Variants in SGCZ observed in about 807,000 individuals in gnomAD.
SGCZ encodes zeta-sarcoglycan.
SGCZ carries 40 observed loss-of-function variants against 41.3 expected under a neutral mutation model. The observed-to-expected ratio is 0.97, with a 90% CI of 0.75 to 1.26. The LOEUF (loss-of-function observed/expected upper bound fraction) is 1.26, where lower values mean the gene tolerates loss of function less well. SGCZ is among the 50% of genes most tolerant of loss of function. SGCZ has a pLI of 0.00. For synonymous variants in SGCZ, 206 were observed against 137.5 expected, an observed-to-expected ratio of 1.50 and a Z score of -3.49; for missense variants, 552 against 369.8, an observed-to-expected ratio of 1.49 and a Z score of -4.04.
At chr8:14,507,487 G>C (rs990137836) in intron 2 of SGCZ, among the ~76,000 whole-genome samples, 12 of 152,106 alleles carry the variant, frequency 7.9e-5, no homozygotes, top group African/African-American at 2.9e-4. Context: ...TCTCATTTAA[G>C]CCAAAATGAA....
At position 14,367,191 on chromosome 8, in the gene SGCZ, A is replaced by G. The variant is rs541164736; in HGVS notation, c.235-42987T>C. On this transcript the variant is annotated intron_variant, in intron 2 of 7. Transcript: ENST00000382080. Reference sequence around the variant, plus strand: ...ATGCTGCTAGTCTCTTTGCTAAAGTATAGCAAAAGTCACCTTTGCTCCAGT... The same window carrying G: ...ATGCTGCTAGTCTCTTTGCTAAAGTGTAGCAAAAGTCACCTTTGCTCCAGT... 1.1e-3 allele frequency among the ~76,000 whole-genome samples: 164 copies of G among 152,090 alleles called. 1 individual carries two copies. The highest frequency in any genetic ancestry group is 1.9e-3 in the Non-Finnish European group (127 of 67,998).
Position 14,582,772 on chromosome 8 carries a change from C to A in SGCZ, c.40-27846G>T, listed in dbSNP as rs1207941312. 2.7e-5 allele frequency among the ~76,000 whole-genome samples: 4 copies of A among 148,712 alleles called. No individual in the cohort carries two copies. The South Asian group carries it at 8.6e-4, about 32-fold the overall frequency. On this transcript the variant is annotated intron_variant, in intron 1 of 7. Transcript: ENST00000382080. ...GAACATGTGGTGTTTGGTTTTTTGT[C>A]CTTGCGATAGTTTACTGAGAATGAT...
chr8:14,500,297 G>A (rs1311725521), intron 2 of SGCZ, among the ~76,000 whole-genome samples: 1 of 152,044 alleles, frequency 6.6e-6, no homozygotes, highest in Non-Finnish European at 1.5e-5. Context: ...TACAATCTCA[G>A]TTCTCTCATC....
chr8:14,102,354 G>T, intron 7 of SGCZ, 22 bp downstream of exon 7: 1 of 1,450,492 alleles, frequency 6.9e-7, no homozygotes, highest in Non-Finnish European at 9.2e-7. Flanking sequence ...ATAGGGCGAG[G>T]GTCCAACTTT....
chr8:14,934,491 A>T (rs1233985092), intron 1 of SGCZ, among the ~76,000 whole-genome samples: 2 of 151,858 alleles, frequency 1.3e-5, no homozygotes, highest in Non-Finnish European at 2.9e-5. Flanking sequence ...AAAGGAGATT[A>T]GCCACAGATG....
chr8:14,314,108 G>A (rs561271201), intron 3 of SGCZ, among the ~76,000 whole-genome samples: 1 of 152,184 alleles, frequency 6.6e-6, no homozygotes, highest in East Asian at 1.9e-4. Flanking sequence ...GGTGTAATCT[G>A]TAGAAAAAAA....
intron 1 of SGCZ, among the ~76,000 whole-genome samples, chr8:15,018,369 A>T (rs1391917074): frequency 6.6e-6 from 1 of 152,236 alleles, no homozygotes. Context: ...AAAACAAATA[A>T]GCAAGAAAAT....
At chr8:14,538,740 G>C (rs1224620218) in intron 2 of SGCZ, among the ~76,000 whole-genome samples, 1 of 151,918 alleles carries the variant, frequency 6.6e-6, no homozygotes, top group African/African-American at 2.4e-5. Flanking sequence ...AGAAGAGTTA[G>C]GCATGAATTA....
chr8:14,549,667 C>A (rs1477814494), intron 2 of SGCZ, among the ~76,000 whole-genome samples: 1 of 151,992 alleles, frequency 6.6e-6, no homozygotes, highest in African/African-American at 2.4e-5. Context: ...AGAAGAGGTA[C>A]ATATTTGGAT....
At chr8:14,803,429 T>C (rs189596929) in intron 1 of SGCZ, among the ~76,000 whole-genome samples, 70 of 151,366 alleles carry the variant, frequency 4.6e-4, no homozygotes, top group African/African-American at 1.5e-3. Flanking sequence ...TCGCAAGGGG[T>C]CAGGGAGTTC....
At chr8:15,118,197 T>C (rs992046832) in intron 1 of SGCZ, among the ~76,000 whole-genome samples, 3 of 152,348 alleles carry the variant, frequency 2.0e-5, no homozygotes, top group Admixed American at 1.3e-4. Context: ...CAGAAAAGCA[T>C]TTTAAGATTT....
chr8:15,052,575 A>T (rs1804553034), intron 1 of SGCZ, among the ~76,000 whole-genome samples: 1 of 152,068 alleles, frequency 6.6e-6, no homozygotes. Flanking sequence ...TAGTCTCAGT[A>T]GTGTATTTTC....
chr8:14,480,679 G>C (rs996602999), intron 2 of SGCZ, among the ~76,000 whole-genome samples: 6 of 151,960 alleles, frequency 3.9e-5, no homozygotes, highest in East Asian at 3.9e-4. Context: ...ATAATACATA[G>C]ATATAAACTT....
At chr8:15,203,647 T>TA (rs1184268683) in intron 1 of SGCZ, among the ~76,000 whole-genome samples, 1 of 152,170 alleles carries the variant, frequency 6.6e-6, no homozygotes, top group Non-Finnish European at 1.5e-5. Flanking sequence ...TAGCAAGTGA[T>TA]AAAAAATTGA....
chr8:14,451,309 T>C (rs1405707304), intron 2 of SGCZ, among the ~76,000 whole-genome samples: 4 of 152,204 alleles, frequency 2.6e-5, no homozygotes, highest in Non-Finnish European at 4.4e-5. Flanking sequence ...GAAGGTTCAG[T>C]GATCTTAGAA....
intron 1 of SGCZ, among the ~76,000 whole-genome samples, chr8:14,946,673 G>GCA (rs1800458363): frequency 1.9e-5 from 2 of 105,156 alleles, no homozygotes; most frequent in African/African-American, 5.9e-5. Context: ...TTAGAAATCT[G>GCA]TATTTTTTTT....
chr8:14,951,203 A>T (rs910579388), intron 1 of SGCZ, among the ~76,000 whole-genome samples: 1 of 152,028 alleles, frequency 6.6e-6, no homozygotes, highest in African/African-American at 2.4e-5. Flanking sequence ...CCTCAATCAT[A>T]TTTGTTATGC....
At chr8:15,026,589 A>G (rs1319338185) in intron 1 of SGCZ, among the ~76,000 whole-genome samples, 2 of 152,144 alleles carry the variant, frequency 1.3e-5, no homozygotes, top group Non-Finnish European at 2.9e-5. Flanking sequence ...ACCACTAGAG[A>G]TTGGTACACA....
intron 1 of SGCZ, among the ~76,000 whole-genome samples, chr8:15,229,477 T>C (rs1010867206): frequency 8.9e-4 from 135 of 152,296 alleles, no homozygotes; most frequent in African/African-American, 3.1e-3. Context: ...AAAAACACTA[T>C]TGATTTTATG....
Sources: gnomAD v4.1 joint callset for allele counts (sites outside exome capture counted in the v4.1 genomes callset) on GRCh38, gnomAD v4.1.1 for gene constraint, MANE v1.5 for transcripts, NCBI Gene and HGNC (gene_info 2026-07-23, HGNC 2026-07-21) for gene names.